The following MAPK10 variants were observed in gnomAD, a reference collection of about 807,000 sequenced individuals.
MAPK10 encodes JNK3 alpha protein kinase.
Under a neutral mutation model 59.3 loss-of-function variants are expected in MAPK10, and 25 were observed. The ratio of observed to expected loss-of-function variants is 0.42; its 90% CI spans 0.31 to 0.59. MAPK10 has a LOEUF of 0.59. MAPK10 is among the 20% of genes least tolerant of loss of function. MAPK10 has a pLI of 0.15. For missense variants in MAPK10, 351 were observed against 568.9 expected (o/e 0.62, Z 3.90); for synonymous variants, 190 against 200.5 (o/e 0.95, Z 0.44).
intron 1 of MAPK10, among the ~76,000 whole-genome samples, chr4:86,579,912 C>T (rs1762149912): frequency 6.6e-6 from 1 of 152,102 alleles, no homozygotes; most frequent in Non-Finnish European, 1.5e-5. Flanking sequence ...CTCCTAGGCT[C>T]AAGTGATCCT....
At chr4:86,428,502 T>C (rs961390937) in intron 1 of MAPK10, among the ~76,000 whole-genome samples, 2 of 152,106 alleles carry the variant, frequency 1.3e-5, no homozygotes, top group Non-Finnish European at 2.9e-5. Flanking sequence ...AGAGGGGACT[T>C]TCCTGTTATG....
chr4:86,095,681 G>C (rs2054085329), intron 9 of MAPK10: 1 of 151,768 alleles, frequency 6.6e-6, no homozygotes, highest in Non-Finnish European at 1.5e-5. Flanking sequence ...CATAGTTTGA[G>C]AGGTTATCTG....
intron 2 of MAPK10, among the ~76,000 whole-genome samples, chr4:86,339,041 GCT>G (rs1292052117): frequency 6.6e-6 from 1 of 152,096 alleles, no homozygotes; most frequent in Non-Finnish European, 1.5e-5. Flanking sequence ...ATCTGAATCT[GCT>G]CTGTTTGACT....
At chr4:86,581,942 TA>T (rs1762343161) in intron 1 of MAPK10, among the ~76,000 whole-genome samples, 2 of 91,598 alleles carry the variant, frequency 2.2e-5, no homozygotes, top group African/African-American at 7.8e-5. Flanking sequence ...TATATATATA[TA>T]TATATTCTAA....
At chr4:86,089,247 C>T in intron 9 of MAPK10, 1 of 1,612,848 alleles carries the variant, frequency 6.2e-7, no homozygotes, top group Non-Finnish European at 8.5e-7. Flanking sequence ...TATCATTTCT[C>T]CCATGATGCA....
intron 2 of MAPK10, among the ~76,000 whole-genome samples, chr4:86,208,583 C>T (rs373780652): frequency 1.2e-4 from 18 of 151,696 alleles, no homozygotes; most frequent in South Asian, 6.2e-4. Flanking sequence ...ATTGATGGGA[C>T]GTATCTCAAA....
chr4:86,344,360 T>A (rs1344024480), intron 2 of MAPK10, among the ~76,000 whole-genome samples: 2 of 152,128 alleles, frequency 1.3e-5, no homozygotes, highest in East Asian at 3.8e-4. Context: ...GCTCAAGCGA[T>A]CCTGCCTCAG....
At position 86,341,491 on chromosome 4, in the gene MAPK10, G is replaced by A. The variant is rs893606127; in HGVS notation, c.-7+13039C>T. ...AGCCAATTTTCTTTACAGGACAATT[G>A]TGTGGGAGGACGGCAATGTGTCATA... On this transcript the variant is annotated intron_variant, in intron 2 of 13. Transcript: ENST00000641462. Among the ~76,000 whole-genome samples the A allele has an allele frequency of 3.0e-4, 45 of 152,310 alleles. 1 individual carries two copies. The highest frequency in any genetic ancestry group is 1.1e-3 in the African/African-American group (44 of 41,572).
chr4:86,581,837 T>A, intron 1 of MAPK10, among the ~76,000 whole-genome samples: 1 of 146,966 alleles, frequency 6.8e-6, no homozygotes. Context: ...TATGTTCTTA[T>A]GTGTTATTTG....
At chr4:86,185,884 G>C (rs2078100337) in intron 3 of MAPK10, among the ~76,000 whole-genome samples, 1 of 152,076 alleles carries the variant, frequency 6.6e-6, no homozygotes, top group Non-Finnish European at 1.5e-5. Context: ...TGTTGCTTTG[G>C]AATGCGTACA....
chr4:86,323,944 T>C (rs879805303), intron 2 of MAPK10, among the ~76,000 whole-genome samples: 1 of 152,202 alleles, frequency 6.6e-6, no homozygotes, highest in Non-Finnish European at 1.5e-5. Context: ...AGACTAATAA[T>C]TCTCTGGTAC....
At chr4:86,496,467 A>C (rs1754879177) in intron 1 of MAPK10, among the ~76,000 whole-genome samples, 1 of 152,186 alleles carries the variant, frequency 6.6e-6, no homozygotes, top group Non-Finnish European at 1.5e-5. Flanking sequence ...TTGTATTTGG[A>C]ATCTGCCTAT....
At chr4:86,297,344 C>T (rs951503477) in intron 2 of MAPK10, among the ~76,000 whole-genome samples, 11 of 152,248 alleles carry the variant, frequency 7.2e-5, no homozygotes, top group Admixed American at 3.3e-4. Context: ...GAGTCTCGTT[C>T]TGTTGCCCAG....
At chr4:86,591,216 G>A (rs534841939) in intron 1 of MAPK10, among the ~76,000 whole-genome samples, 31 of 152,094 alleles carry the variant, frequency 2.0e-4, no homozygotes, top group Non-Finnish European at 4.0e-4. Flanking sequence ...GAGCCACCAT[G>A]CCCAGCCAGT....
intron 1 of MAPK10, among the ~76,000 whole-genome samples, chr4:86,506,561 C>T (rs1225416417): frequency 6.6e-6 from 1 of 152,076 alleles, no homozygotes; most frequent in Non-Finnish European, 1.5e-5. Context: ...AGAAGAAGAC[C>T]ATGACTCAAA....
At chr4:86,417,854 T>C (rs936342754) in intron 1 of MAPK10, among the ~76,000 whole-genome samples, 1 of 152,230 alleles carries the variant, frequency 6.6e-6, no homozygotes, top group Non-Finnish European at 1.5e-5. Flanking sequence ...ATTGTAGCCA[T>C]TCAAAAAGTA....
chr4:86,135,470 G>A (rs2149156644), intron 4 of MAPK10, among the ~76,000 whole-genome samples: 1 of 152,252 alleles, frequency 6.6e-6, no homozygotes, highest in South Asian at 2.1e-4. Flanking sequence ...ACCTTCAGCT[G>A]AGGGTCCTGT....
chr4:86,549,094 T>G (rs112844275), intron 1 of MAPK10, among the ~76,000 whole-genome samples: 7,113 of 152,178 alleles, frequency 0.047, 216 homozygotes, highest in African/African-American at 0.059. Flanking sequence ...TTAATATATG[T>G]AAAATATAAA....
At chr4:86,503,991 T>C (rs1755524437) in intron 1 of MAPK10, among the ~76,000 whole-genome samples, 1 of 152,100 alleles carries the variant, frequency 6.6e-6, no homozygotes, top group Non-Finnish European at 1.5e-5. Flanking sequence ...CCCTCCCTAA[T>C]TCATTCAAAT....
Sources: gnomAD v4.1 joint callset for allele counts (sites outside exome capture counted in the v4.1 genomes callset) on GRCh38, gnomAD v4.1.1 for gene constraint, MANE v1.5 for transcripts, NCBI Gene and HGNC (gene_info 2026-07-23, HGNC 2026-07-21) for gene names.